The following DDX27 variants were observed in gnomAD, a reference collection of about 807,000 sequenced individuals.
DDX27 encodes probable ATP-dependent RNA helicase DDX27.
DDX27 carries 42 observed loss-of-function variants against 99.3 expected under a neutral mutation model. That is an observed-to-expected ratio of 0.42 (90% CI 0.33 to 0.55). The LOEUF is 0.55. DDX27 is among the 20% of genes least tolerant of loss of function. The pLI, the probability that DDX27 is intolerant of heterozygous loss-of-function variation, is 0.07. For missense variants in DDX27, 798 were observed against 976.8 expected (o/e 0.82, Z 2.44); for synonymous variants, 329 against 353.8 (o/e 0.93, Z 0.79).
chr20:49,229,030 CTTT>C (rs11477123), intron 8 of DDX27, 142 bp downstream of exon 8: 25,274 of 283,112 alleles, frequency 0.089, 7 homozygotes, highest in Middle Eastern at 0.11. Flanking sequence ...AACTGGAAGA[CTTT>C]TTTTTTTTTT....
rs763753002 is a variant in DDX27, at chr20:49,228,787, G to A, written c.779G>A (p.Arg260His). ...AAACCCCGCCAGGCTCCAGTCACCC[G>A]CGTGCTGGTGCTAGTGCCCACCCGA... Reference protein sequence around the residue: ...IYKPRQAPVTRVLVLVPTREL... With the variant: ...IYKPRQAPVTHVLVLVPTREL... The change falls in exon 8 of 21, where the codon CGC (arginine) becomes CAC (histidine). Residue 260 changes from arginine to histidine, a missense_variant. Around this residue, in one of 2 missense-constraint regions of DDX27, gnomAD observed 553 missense variants for 727.9 expected, o/e 0.76. Transcript: ENST00000618172. 1.6e-5 allele frequency: 26 copies of A among 1,613,186 alleles called. No individual in the cohort carries two copies. The highest frequency in any genetic ancestry group is 1.6e-4 in the Middle Eastern group (1 of 6,074).
At chr20:49,224,530 T>A (rs1290235771) in intron 4 of DDX27, among the ~76,000 whole-genome samples, 1 of 152,010 alleles carries the variant, frequency 6.6e-6, no homozygotes, top group African/African-American at 2.4e-5. Flanking sequence ...ACCTGGCTAA[T>A]TTTTGTATTT....
chr20:49,230,210 G>A lies in DDX27; in HGVS notation c.892G>A (p.Val298Met), dbSNP rs768745835. The A allele has an allele frequency of 1.2e-6, 2 of 1,612,474 alleles. No homozygotes were observed. Among genetic ancestry groups the A allele is most frequent in the Non-Finnish European group, 1.7e-6 (2 of 1,179,778 alleles). The change falls in exon 9 of 21, where the codon GTG becomes ATG. Residue 298 changes from valine (V) to methionine (M), a missense_variant. Val to Met is a conservative substitution (Grantham distance 21). Around this residue, in one of 2 missense-constraint regions of DDX27, gnomAD observed 553 missense variants for 727.9 expected, o/e 0.76. Transcript: ENST00000618172. ...TCTTCTCTTTGCAGGCGGCTTGGAT[G>A]TGAAGTCTCAGGAAGCAGCTCTTCG... ...TTCLAVGGLD[V>M]KSQEAALRAA...
rs1421717153 is a variant in DDX27, at chr20:49,242,130, T to C, written c.2040T>C (p.Ala680=). The part of the protein sequence containing the change: ...QFEILKAQMF[A]ERLAKRNRRA... ...AAATCCTCAAGGCGCAGATGTTTGC[T>C]GAACGGCTAGCGAAGAGGAATCGCA... Residue 680 remains alanine, a synonymous_variant, in exon 18 of 21, where the codon GCT becomes GCC. Coordinates refer to ENST00000618172, the MANE Select transcript of DDX27 (RefSeq NM_017895.8). The C allele has an allele frequency of 1.2e-6, 2 of 1,614,084 alleles. No homozygotes were observed. Among genetic ancestry groups the C allele is most frequent in the African/African-American group, 1.3e-5 (1 of 74,934 alleles).
At position 49,230,272 on chromosome 20, in the gene DDX27, G is replaced by T. The variant is rs753010461; in HGVS notation, c.954G>T (p.Arg318=). ...APDILIATPG[R]LIDHLHNCPS... is the part of the protein sequence containing the mutation. ...ACATCCTCATCGCCACCCCAGGCCG[G>T]CTCATCGATCACCTCCACAACTGCC... is the stretch of plus-strand genomic sequence containing the variant. The change falls in exon 9 of 21, where the codon CGG becomes CGT. Residue 318 remains arginine, a synonymous_variant. Coordinates refer to ENST00000618172, the MANE Select transcript of DDX27 (RefSeq NM_017895.8). The T allele has an allele frequency of 1.2e-6, 2 of 1,613,132 alleles. No homozygotes were observed. The highest frequency in any genetic ancestry group is 2.2e-5 in the East Asian group (1 of 44,870).
At chr20:49,239,383 C>A in intron 16 of DDX27, 45 bp downstream of exon 16, 9 of 1,423,226 alleles carry the variant, frequency 6.3e-6, no homozygotes, top group Non-Finnish European at 4.9e-6. Context: ...AGAATTACCC[C>A]ACAGGACTCA....
Position 49,225,178 on chromosome 20 carries a change from C to G in DDX27, c.579C>G (p.Asn193Lys), listed in dbSNP as rs780671947. Residue 193 changes from asparagine (N) to lysine (K), a missense_variant, in exon 6 of 21, where the codon AAC becomes AAG. Physicochemically the swap from Asn to Lys is moderately conservative, Grantham distance 94. Transcript: ENST00000618172. ...YDENLSFQDM[N>K]LSRPLLKAIT... The stretch of plus-strand genomic sequence containing the variant: ...AAAACCTCTCGTTCCAGGACATGAA[C>G]CTTTCCCGCCCTCTTCTGAAGGTAG... 6.2e-7 allele frequency: 1 copy of G among 1,613,984 alleles called. No individual in the cohort carries two copies. The highest frequency in any genetic ancestry group is 8.5e-7 in the Non-Finnish European group (1 of 1,179,930).
At chr20:49,221,421 C>T (rs200099816) in intron 1 of DDX27, 31 bp from the exon 2 acceptor site, 2 of 1,612,060 alleles carry the variant, frequency 1.2e-6, no homozygotes, top group East Asian at 2.2e-5. Context: ...TATCTCAGCC[C>T]CAAAGTCACT....
At chr20:49,225,394 C>G (rs1600965261) in intron 6 of DDX27, among the ~76,000 whole-genome samples, 195 bp downstream of exon 6, 1 of 150,096 alleles carries the variant, frequency 6.7e-6, no homozygotes, top group East Asian at 2.0e-4. Context: ...CCTAACTGGA[C>G]TTTCTGCTTC....
At chr20:49,222,294 A>G (rs1979716272) in intron 2 of DDX27, among the ~76,000 whole-genome samples, 1 of 150,442 alleles carries the variant, frequency 6.6e-6, no homozygotes, top group Non-Finnish European at 1.5e-5. Context: ...CACCACGCCC[A>G]GCTAATTTTT....
chr20:49,222,289 C>T (rs911295389), intron 2 of DDX27, among the ~76,000 whole-genome samples: 10 of 151,388 alleles, frequency 6.6e-5, no homozygotes, highest in Admixed American at 2.6e-4. Context: ...CCCACCACCA[C>T]GCCCAGCTAA....
chr20:49,243,533 G>A, intron 19 of DDX27, 96 bp from the exon 20 acceptor site: 1 of 1,050,762 alleles, frequency 9.5e-7, no homozygotes, highest in Non-Finnish European at 1.5e-6. Context: ...TCCCAGAGAT[G>A]CTACTGCTTC....
intron 16 of DDX27, among the ~76,000 whole-genome samples, chr20:49,240,895 G>T (rs1980456487): frequency 6.6e-6 from 1 of 152,044 alleles, no homozygotes; most frequent in African/African-American, 2.4e-5. Context: ...CATGCCTATA[G>T]TCCAACTACT....
intron 16 of DDX27, among the ~76,000 whole-genome samples, chr20:49,239,735 G>A (rs1391670510): frequency 6.6e-6 from 1 of 152,132 alleles, no homozygotes; most frequent in Admixed American, 6.6e-5. Context: ...TGTAAAGGAT[G>A]TAAACAGGGA....
intron 9 of DDX27, among the ~76,000 whole-genome samples, chr20:49,232,544 A>T (rs1353818646): frequency 6.6e-6 from 1 of 152,010 alleles, no homozygotes; most frequent in Non-Finnish European, 1.5e-5. Context: ...CAGGCGGATC[A>T]TGAGGTCAGG....
At chr20:49,237,048 T>A (rs1013106855) in intron 14 of DDX27, among the ~76,000 whole-genome samples, 6 of 152,162 alleles carry the variant, frequency 3.9e-5, no homozygotes, top group Admixed American at 1.3e-4. Context: ...ATAATACATA[T>A]TTAGCCTGAG....
At chr20:49,238,071 T>C (rs978178343) in intron 14 of DDX27, 2 of 152,284 alleles carry the variant, frequency 1.3e-5, no homozygotes, top group African/African-American at 4.8e-5. Flanking sequence ...CAGGCTGGAG[T>C]GCAGTGGTGC....
At chr20:49,228,971 TG>T (rs1980001081) in intron 8 of DDX27, 83 bp downstream of exon 8, 2 of 1,316,068 alleles carry the variant, frequency 1.5e-6, no homozygotes, top group Non-Finnish European at 2.0e-6. Flanking sequence ...CTGTTGGTGT[TG>T]GTGACAGGTG....
chr20:49,220,409 T>C (rs980751601), intron 1 of DDX27, among the ~76,000 whole-genome samples: 20 of 152,192 alleles, frequency 1.3e-4, no homozygotes, highest in African/African-American at 4.6e-4. Context: ...ATACTTCATC[T>C]TCATCTCTTT....
Sources: allele counts gnomAD v4.1 joint callset (sites outside exome capture counted in the v4.1 genomes callset), GRCh38; gene constraint gnomAD v4.1.1; regional missense constraint gnomAD v4.1.1; transcripts MANE v1.5; gene names NCBI Gene and HGNC (gene_info 2026-07-23, HGNC 2026-07-21).